Variants in SOX30 observed in about 807,000 individuals in gnomAD.
The protein encoded by SOX30 is transcription factor SOX-30.
A neutral mutation model predicts 58.6 loss-of-function variants in SOX30; 17 were observed. The observed-to-expected ratio is 0.29, with a 90% CI of 0.20 to 0.44. The LOEUF is 0.44. Ranked by LOEUF, SOX30 falls within the 20% of genes least tolerant of loss-of-function variation. The probability of loss-of-function intolerance (pLI) is 1.00; values close to 1 mark genes in which losing one functional copy is unlikely to be tolerated. For synonymous variants in SOX30, 421 were observed against 400.2 expected, an observed-to-expected ratio of 1.05 and a Z score of -0.62; for missense variants, 951 against 965.8, an observed-to-expected ratio of 0.98 and a Z score of 0.20.
In SOX30 at chr5:157,626,703, C is replaced by A; in HGVS notation, c.1899G>T (p.Arg633=). ...GAAAATTTCCATAGCCAAAGGGAGG[C>A]CGACTGTAAGGGCATGTACTGCAGC... ...YFPSSTCPYS[R]PPFGYGNFPS... is the part of the protein sequence containing the mutation. Residue 633 remains arginine (R), a synonymous_variant, in exon 5 of 5, where the codon CGG becomes CGT. Coordinates refer to ENST00000265007, the MANE Select transcript of SOX30 (RefSeq NM_178424.2). 6.2e-7 allele frequency: 1 copy of A among 1,608,832 alleles called. No individual in the cohort carries two copies. Among genetic ancestry groups the A allele is most frequent in the Admixed American group, 1.7e-5 (1 of 59,406 alleles).
intron 4 of SOX30, 92 bp from the exon 5 acceptor site, chr5:157,626,813 G>A: frequency 2.1e-6 from 3 of 1,421,398 alleles, no homozygotes; most frequent in Non-Finnish European, 2.8e-6. Context: ...CTCCTCTTTG[G>A]GGTTTGGAAA....
intron 2 of SOX30, among the ~76,000 whole-genome samples, chr5:157,659,273 C>T (rs547794255): frequency 5.9e-5 from 9 of 152,156 alleles, no homozygotes; most frequent in Non-Finnish European, 1.2e-4. Flanking sequence ...TGGACCTGGA[C>T]CCCTTTCCTG....
Position 157,665,901 on chromosome 5 carries a change from C to CT in SOX30, c.52+1896dup, listed in dbSNP as rs67520310. 4.4e-3 allele frequency among the ~76,000 whole-genome samples: 569 copies of CT among 130,220 alleles called. 7 individuals are homozygous for CT. The highest frequency in any genetic ancestry group is 8.0e-3 in the Middle Eastern group (2 of 250). 85.4% of individuals were successfully genotyped at this position (130,220 alleles called of 152,430 possible). A position where few individuals can be genotyped will look rare whatever the true frequency, so the allele number is the denominator to read the frequency against. On this transcript the variant is annotated intron_variant, in intron 2 of 5. Transcript: ENST00000519442. ...GACTGACCATCTTGCAGGATATTCC[C>CT]TTTTTTTTTTTTTTTTTTTTCTTAG...
At chr5:157,642,820 T>C (rs1759102381) in intron 3 of SOX30, among the ~76,000 whole-genome samples, 1 of 152,090 alleles carries the variant, frequency 6.6e-6, no homozygotes, top group African/African-American at 2.4e-5. Context: ...ACTAATTGAC[T>C]CCAAATATTT....
chr5:157,669,219 A>C (rs907949858), intron 1 of SOX30, among the ~76,000 whole-genome samples: 26 of 152,274 alleles, frequency 1.7e-4, no homozygotes, highest in African/African-American at 5.8e-4. Context: ...TTTGAGACAG[A>C]GTCTTACTCT....
chr5:157,664,444 C>T (rs4634336), intron 2 of SOX30, among the ~76,000 whole-genome samples: 26,073 of 152,082 alleles, frequency 0.17, 2,831 homozygotes, highest in African/African-American at 0.31. Context: ...AAAATTAATT[C>T]AAGATGGATT....
At chr5:157,635,615 C>T (rs1294798793) in intron 4 of SOX30, among the ~76,000 whole-genome samples, 2 of 150,794 alleles carry the variant, frequency 1.3e-5, no homozygotes, top group African/African-American at 4.9e-5. Flanking sequence ...CAGAGCAAGA[C>T]TCTGTCTCAA....
At chr5:157,631,062 T>TACA (rs1561578529) in intron 4 of SOX30, among the ~76,000 whole-genome samples, 34 of 80,652 alleles carry the variant, frequency 4.2e-4, no homozygotes, top group African/African-American at 1.4e-3. Flanking sequence ...TATATATATA[T>TACA]ATATATACAC....
At chr5:157,647,555 T>C (rs1759223033) in intron 2 of SOX30, among the ~76,000 whole-genome samples, 1 of 151,818 alleles carries the variant, frequency 6.6e-6, no homozygotes, top group South Asian at 2.1e-4. Flanking sequence ...TCACTAATGA[T>C]CAGTCACTAT....
intron 1 of SOX30, 53 bp downstream of exon 1, chr5:157,651,059 T>C: frequency 3.7e-6 from 5 of 1,333,714 alleles, no homozygotes; most frequent in Non-Finnish European, 5.1e-6. Flanking sequence ...ACAAAACAGC[T>C]ATGGGCAACA....
chr5:157,633,003 C>T (rs746327652), intron 4 of SOX30, among the ~76,000 whole-genome samples: 12 of 152,192 alleles, frequency 7.9e-5, no homozygotes, highest in Non-Finnish European at 1.2e-4. Flanking sequence ...GCACGAGAAT[C>T]GCTTGAACCC....
chr5:157,671,372 C>T, exon 1 of SOX30: 1 of 536,842 alleles, frequency 1.9e-6, no homozygotes, highest in South Asian at 2.6e-5. Context: ...CACAGCAACG[C>T]GCCGGGTCTC....
chr5:157,639,142 A>G (rs1759000374), intron 3 of SOX30, among the ~76,000 whole-genome samples: 1 of 152,150 alleles, frequency 6.6e-6, no homozygotes, highest in African/African-American at 2.4e-5. Flanking sequence ...ATACATTTAA[A>G]AATAATAATA....
intron 2 of SOX30, among the ~76,000 whole-genome samples, chr5:157,660,892 T>G (rs930523090): frequency 6.6e-6 from 1 of 152,364 alleles, no homozygotes; most frequent in Middle Eastern, 3.4e-3. Context: ...GGATCAATTT[T>G]GGGAAAACTG....
chr5:157,632,901 T>G (rs941786831), intron 4 of SOX30, among the ~76,000 whole-genome samples: 3 of 152,112 alleles, frequency 2.0e-5, no homozygotes, highest in Admixed American at 2.0e-4. Flanking sequence ...CCAGCCTGAC[T>G]AACATGGCAA....
chr5:157,654,403 A>G (rs1759428471), upstream of SOX30, among the ~76,000 whole-genome samples: 1 of 152,216 alleles, frequency 6.6e-6, no homozygotes, highest in Non-Finnish European at 1.5e-5. Context: ...TAGGATTATT[A>G]TGAAAATAGT....
chr5:157,655,271 A>G (rs1759450300), upstream of SOX30, among the ~76,000 whole-genome samples: 1 of 152,160 alleles, frequency 6.6e-6, no homozygotes, highest in African/African-American at 2.4e-5. Context: ...AAGGGACGAT[A>G]CTTAGGAGAC....
At chr5:157,666,211 GTGGAAAAATCA>G (rs1164774268) in intron 2 of SOX30, among the ~76,000 whole-genome samples, 1 of 152,068 alleles carries the variant, frequency 6.6e-6, no homozygotes, top group Non-Finnish European at 1.5e-5. Context: ...CTGGAGCACA[GTGGAAAAATCA>G]TGGCTCGCTG....
chr5:157,632,331 C>T (rs1322727356), intron 4 of SOX30, among the ~76,000 whole-genome samples: 3 of 152,246 alleles, frequency 2.0e-5, no homozygotes, highest in Non-Finnish European at 4.4e-5. Flanking sequence ...AGGGACCCTA[C>T]ACAGTCATCT....
Sources: allele counts gnomAD v4.1 joint callset (sites outside exome capture counted in the v4.1 genomes callset), GRCh38; gene constraint gnomAD v4.1.1; transcripts MANE v1.5; gene names NCBI Gene and HGNC (gene_info 2026-07-23, HGNC 2026-07-21).